The following AOPEP variants were observed in gnomAD, a reference collection of about 807,000 sequenced individuals.
AOPEP encodes the protein aminopeptidase O.
In AOPEP, 77 loss-of-function variants were observed where a neutral mutation model predicts 98.1. The ratio of observed to expected loss-of-function variants is 0.78; its 90% CI spans 0.65 to 0.95. The LOEUF (loss-of-function observed/expected upper bound fraction) is 0.95. AOPEP is among the 40% of genes least tolerant of loss of function. The probability of loss-of-function intolerance (pLI) is 0.00; values close to 1 mark genes in which losing one functional copy is unlikely to be tolerated. For synonymous variants in AOPEP, 346 were observed against 365.3 expected, an observed-to-expected ratio of 0.95 and a Z score of 0.60; for missense variants, 1,024 against 1,024.7, an observed-to-expected ratio of 1.00 and a Z score of 0.01.
At chr9:94,919,967 A>G (rs984757184) in intron 5 of AOPEP, among the ~76,000 whole-genome samples, 3 of 152,196 alleles carry the variant, frequency 2.0e-5, no homozygotes, top group African/African-American at 4.8e-5. Context: ...GTAAGTCTGT[A>G]TGATGCCTCC....
downstream of AOPEP, among the ~76,000 whole-genome samples, chr9:95,088,792 A>G (rs905998389): frequency 1.3e-5 from 2 of 152,218 alleles, no homozygotes; most frequent in African/African-American, 4.8e-5. Context: ...CACAAAGACC[A>G]CTAATCCCCT....
At chr9:94,774,311 C>CA (rs34936539) in intron 3 of AOPEP, among the ~76,000 whole-genome samples, 5,279 of 66,242 alleles carry the variant, frequency 0.08, 244 homozygotes, top group South Asian at 0.1. Flanking sequence ...GACTCCATCT[C>CA]AAAAAAAAAA....
chr9:94,804,048 A>G (rs367549497), intron 5 of AOPEP, among the ~76,000 whole-genome samples: 8 of 152,240 alleles, frequency 5.3e-5, no homozygotes, highest in African/African-American at 1.9e-4. Flanking sequence ...TTAATATTCT[A>G]CTGTTTTCAT....
chr9:94,860,095 C>T (rs1315775288), intron 5 of AOPEP, among the ~76,000 whole-genome samples: 1 of 152,160 alleles, frequency 6.6e-6, no homozygotes, highest in African/African-American at 2.4e-5. Flanking sequence ...CCTGGCAGGG[C>T]CTTGGGGCAG....
At chr9:94,755,299 A>C (rs1191999519) in intron 1 of AOPEP, among the ~76,000 whole-genome samples, 1 of 152,186 alleles carries the variant, frequency 6.6e-6, no homozygotes, top group Non-Finnish European at 1.5e-5. Context: ...TATGGTTTCC[A>C]TTTGCTGAGA....
At chr9:95,001,373 A>G (rs1158802064) in intron 11 of AOPEP, among the ~76,000 whole-genome samples, 3 of 152,258 alleles carry the variant, frequency 2.0e-5, no homozygotes, top group Non-Finnish European at 4.4e-5. Flanking sequence ...ATGCGTATCT[A>G]CTGGATGAGG....
rs527533654 is a variant in AOPEP, at chr9:95,084,249, T to C, written c.*4+1530T>C. On this transcript the variant is annotated intron_variant, in intron 16 of 16. Coordinates refer to ENST00000375315, the MANE Select transcript of AOPEP (RefSeq NM_001193329.3). ...GTTTTCTTCTAATGTTTTGTGCTTA[T>C]GAAAACCATTTCTGTGTAACGTGTT... is the stretch of plus-strand genomic sequence containing the variant. Among the ~76,000 whole-genome samples the C allele has an allele frequency of 1.6e-3, 245 of 152,358 alleles. 1 individual carries two copies. Among genetic ancestry groups the C allele is most frequent in the African/African-American group, 5.2e-3 (218 of 41,590 alleles).
In AOPEP at chr9:94,915,668, G is replaced by A. The variant is rs112239179; in HGVS notation, c.1365-8318G>A. Among the ~76,000 whole-genome samples, 19 of 152,264 alleles carry A rather than the reference G, an allele frequency of 1.2e-4. 1 individual carries two copies. The highest frequency in any genetic ancestry group is 4.3e-4 in the African/African-American group (18 of 41,566). ...TGTCAGCCGGCAGTGCCTCTGTTGCGCTCAGGCCTCTTGTTGTACAGACCA... is the reference window on the plus strand; with the variant it reads ...TGTCAGCCGGCAGTGCCTCTGTTGCACTCAGGCCTCTTGTTGTACAGACCA... On this transcript the variant is annotated intron_variant, in intron 5 of 16. Transcript: ENST00000375315.
At chr9:95,090,172 C>T (rs961120826), downstream of AOPEP, among the ~76,000 whole-genome samples, 8 of 152,252 alleles carry the variant, frequency 5.3e-5, no homozygotes, top group Admixed American at 2.6e-4. Flanking sequence ...CCACTAGCAA[C>T]GTCACAGGGC....
chr9:95,016,658 G>T (rs1031872745), intron 13 of AOPEP, among the ~76,000 whole-genome samples: 3 of 151,690 alleles, frequency 2.0e-5, no homozygotes, highest in African/African-American at 4.8e-5. Context: ...TGTCACCCAG[G>T]CTTAAGTCCA....
chr9:94,982,252 A>G (rs1564479818), intron 11 of AOPEP, among the ~76,000 whole-genome samples: 1 of 152,216 alleles, frequency 6.6e-6, no homozygotes. Context: ...TTCTGGGTAT[A>G]TAAATACATA....
the AOPEP span, among the ~76,000 whole-genome samples, chr9:95,148,760 C>G: frequency 1.3e-5 from 2 of 152,124 alleles, no homozygotes; most frequent in South Asian, 4.1e-4. Context: ...CAAGACAGAC[C>G]AATGGGTTTC....
chr9:94,791,656 A>C (rs771536430), intron 3 of AOPEP, among the ~76,000 whole-genome samples: 5 of 151,960 alleles, frequency 3.3e-5, no homozygotes, highest in Non-Finnish European at 7.4e-5. Context: ...CTGCATTCCA[A>C]CCTGGGCAAC....
intron 13 of AOPEP, among the ~76,000 whole-genome samples, chr9:95,043,236 A>C (rs1310700855): frequency 6.8e-6 from 1 of 147,506 alleles, no homozygotes; most frequent in Non-Finnish European, 1.5e-5. Flanking sequence ...GCATATATAT[A>C]CAGATATATA....
intron 9 of AOPEP, among the ~76,000 whole-genome samples, chr9:94,959,692 C>T (rs1044302031): frequency 6.6e-6 from 1 of 151,980 alleles, no homozygotes; most frequent in African/African-American, 2.4e-5. Flanking sequence ...TCCCACCACC[C>T]AGAAATACCT....
chr9:94,932,175 C>G (rs970863847), intron 7 of AOPEP: 19 of 990,232 alleles, frequency 1.9e-5, no homozygotes, highest in Non-Finnish European at 2.2e-5. Context: ...CTGCAGGTAT[C>G]TTGGGCTCTG....
rs750137877 is a variant in AOPEP at position 94,800,819 on chromosome 9, C to T, written c.1181C>T (p.Thr394Ile). The T allele has an allele frequency of 1.2e-6, 2 of 1,614,078 alleles. No individual in the cohort carries two copies. Among genetic ancestry groups the T allele is most frequent in the South Asian group, 2.2e-5 (2 of 91,086 alleles). The change falls in exon 5 of 17, where the codon ACC becomes ATC. Residue 394 changes from threonine to isoleucine, a missense_variant. Physicochemically the swap from Thr to Ile is moderately conservative, Grantham distance 89. Around this residue, in one of 3 missense-constraint regions of AOPEP, gnomAD observed 566 missense variants for 551.7 expected, o/e 1.03. Transcript: ENST00000375315. Reference sequence around the variant, plus strand: ...CGCTTCCAGAATGCTTCTGCCACCACCCAGGAGATCATTCCTCATCGGGTC... The same window carrying T: ...CGCTTCCAGAATGCTTCTGCCACCATCCAGGAGATCATTCCTCATCGGGTC... The part of the protein sequence containing the change: ...PCRFQNASAT[T>I]QEIIPHRVFA...
intron 9 of AOPEP, among the ~76,000 whole-genome samples, chr9:94,956,904 C>T (rs906093913): frequency 2.0e-5 from 3 of 152,142 alleles, no homozygotes; most frequent in Non-Finnish European, 4.4e-5. Flanking sequence ...ATCACATGAG[C>T]GTAACAAGAC....
intron 13 of AOPEP, among the ~76,000 whole-genome samples, chr9:95,050,972 C>T (rs189969444): frequency 6.6e-6 from 1 of 152,226 alleles, no homozygotes; most frequent in Admixed American, 6.5e-5. Context: ...ATACTTGAAT[C>T]ACTTGCCTCA....
Sources: allele counts gnomAD v4.1 joint callset (sites outside exome capture counted in the v4.1 genomes callset), GRCh38; gene constraint gnomAD v4.1.1; regional missense constraint gnomAD v4.1.1; transcripts MANE v1.5; gene names NCBI Gene and HGNC (gene_info 2026-07-23, HGNC 2026-07-21).